ZNF469: variants seen among roughly 807,000 people sequenced by gnomAD.
ZNF469 encodes zinc finger protein 469.
In ZNF469, 1 loss-of-function variant was observed where a neutral mutation model predicts 1.0. That is an observed-to-expected ratio of 1.00 (90% CI 0.35 to 4.73). The LOEUF is 4.73. Ranked by LOEUF, ZNF469 falls within the 30% of genes most tolerant of loss-of-function variation. The pLI is 0.16. For missense variants in ZNF469, 6,100 were observed against 5,356.3 expected, an observed-to-expected ratio of 1.14 and a Z score of -4.33; for synonymous variants, 2,703 against 2,363.4, an observed-to-expected ratio of 1.14 and a Z score of -4.17.
chr16:88,139,153 C>G, the ZNF469 span, among the ~76,000 whole-genome samples: 1 of 148,946 alleles, frequency 6.7e-6, no homozygotes, highest in Non-Finnish European at 1.5e-5. Flanking sequence ...TGATGAGCGT[C>G]AGAGCAGAGA....
chr16:88,319,104 C>T, the ZNF469 span, among the ~76,000 whole-genome samples: 8 of 152,280 alleles, frequency 5.3e-5, no homozygotes, highest in South Asian at 2.1e-4. Flanking sequence ...CTCAGGCTTC[C>T]GATGCATGCC....
chr16:88,365,616 C>T, the ZNF469 span, among the ~76,000 whole-genome samples: 1 of 152,228 alleles, frequency 6.6e-6, no homozygotes, highest in African/African-American at 2.4e-5. Context: ...GAGCCAAGCA[C>T]TGCCTTTTCT....
the ZNF469 span, among the ~76,000 whole-genome samples, chr16:88,347,894 G>T: frequency 6.6e-6 from 1 of 152,250 alleles, no homozygotes; most frequent in Non-Finnish European, 1.5e-5. Context: ...CTGGAGTAGG[G>T]GTGCCCCATG....
the ZNF469 span, among the ~76,000 whole-genome samples, chr16:88,181,006 C>G: frequency 6.6e-6 from 1 of 151,686 alleles, no homozygotes; most frequent in South Asian, 2.1e-4. Context: ...CCCTGAATCA[C>G]AATATCATCC....
At chr16:88,353,582 G>C in the ZNF469 span, among the ~76,000 whole-genome samples, 2 of 152,210 alleles carry the variant, frequency 1.3e-5, no homozygotes, top group Non-Finnish European at 2.9e-5. Context: ...AGCCCATTGG[G>C]TGCCTTAGGC....
At chr16:88,122,456 C>T in the ZNF469 span, among the ~76,000 whole-genome samples, 4 of 150,324 alleles carry the variant, frequency 2.7e-5, no homozygotes, top group African/African-American at 4.9e-5. Context: ...GCTACGGCCA[C>T]GGCAGCCACT....
chr16:88,243,676 T>TG, the ZNF469 span, among the ~76,000 whole-genome samples: 15 of 151,512 alleles, frequency 9.9e-5, no homozygotes, highest in East Asian at 2.5e-3. Flanking sequence ...GGTAGATGGA[T>TG]GGGTAGATGG....
At chr16:88,219,022 C>T in the ZNF469 span, among the ~76,000 whole-genome samples, 1 of 147,802 alleles carries the variant, frequency 6.8e-6, no homozygotes, top group South Asian at 2.2e-4. Context: ...TTCACAATTG[C>T]TTCAAAGAGA....
At chr16:88,209,383 C>T in the ZNF469 span, among the ~76,000 whole-genome samples, 1 of 151,954 alleles carries the variant, frequency 6.6e-6, no homozygotes, top group African/African-American at 2.4e-5. Context: ...CTCAGCCTCC[C>T]AGGTTCATGC....
upstream of ZNF469, among the ~76,000 whole-genome samples, chr16:88,381,882 A>G (rs888401187): frequency 1.1e-4 from 16 of 152,188 alleles, no homozygotes; most frequent in African/African-American, 3.6e-4. Flanking sequence ...GGGCAGGCCC[A>G]CTCATTGGCT....
chr16:88,213,238 A>G, the ZNF469 span, among the ~76,000 whole-genome samples: 1,017 of 152,142 alleles, frequency 6.7e-3, 8 homozygotes, highest in African/African-American at 0.024. Context: ...AGCTGGGACT[A>G]CAGGCGCCCG....
the ZNF469 span, among the ~76,000 whole-genome samples, chr16:88,319,117 C>T: frequency 6.6e-6 from 1 of 152,172 alleles, no homozygotes; most frequent in Non-Finnish European, 1.5e-5. Flanking sequence ...TGCATGCCTT[C>T]CCATGACCGG....
the ZNF469 span, among the ~76,000 whole-genome samples, chr16:88,136,399 T>C: frequency 6.6e-6 from 1 of 152,220 alleles, no homozygotes; most frequent in African/African-American, 2.4e-5. Context: ...GTCCTGAGCT[T>C]TGAGGATGGC....
At chr16:88,319,936 T>C in the ZNF469 span, among the ~76,000 whole-genome samples, 1 of 152,184 alleles carries the variant, frequency 6.6e-6, no homozygotes, top group African/African-American at 2.4e-5. Context: ...CTGACCCTCA[T>C]GTGGGGTCAG....
rs1370290050 is a variant in ZNF469 at position 88,427,776 on chromosome 16, G to A, written c.306G>A (p.Leu102=). The part of the protein sequence containing the change: ...SPQTPPGRSP[L]QAPSRLAGRA... ...AGACCCCACCGGGGAGAAGCCCCTT[G>A]CAGGCTCCCTCAAGGCTGGCGGGCA... Residue 102 remains leucine, a synonymous_variant, in exon 3 of 3, where the codon TTG becomes TTA. Coordinates refer to ENST00000565624, the MANE Select transcript of ZNF469 (RefSeq NM_001367624.2). 6.5e-7 allele frequency: 1 copy of A among 1,546,562 alleles called. No individual in the cohort carries two copies.
At chr16:88,367,537 G>A in the ZNF469 span, among the ~76,000 whole-genome samples, 1 of 152,200 alleles carries the variant, frequency 6.6e-6, no homozygotes, top group Non-Finnish European at 1.5e-5. Context: ...AGCTTTGAGG[G>A]CTTTGGAAGG....
the ZNF469 span, among the ~76,000 whole-genome samples, chr16:88,134,697 G>T: frequency 1.3e-5 from 2 of 152,218 alleles, no homozygotes; most frequent in Admixed American, 6.5e-5. Flanking sequence ...TGACAGCAGG[G>T]TGTTGCCACG....
At chr16:88,282,209 T>C in the ZNF469 span, among the ~76,000 whole-genome samples, 1 of 152,008 alleles carries the variant, frequency 6.6e-6, no homozygotes, top group African/African-American at 2.4e-5. Context: ...GCTCAAGGCA[T>C]TTGGGAGACA....
the ZNF469 span, among the ~76,000 whole-genome samples, chr16:88,281,653 C>T: frequency 2.0e-5 from 3 of 148,294 alleles, no homozygotes; most frequent in Non-Finnish European, 3.0e-5. Context: ...GTGCTGATGT[C>T]GGTGCACAGG....
Sources: gnomAD v4.1 joint callset for allele counts (sites outside exome capture counted in the v4.1 genomes callset) on GRCh38, gnomAD v4.1.1 for gene constraint, MANE v1.5 for transcripts, NCBI Gene and HGNC (gene_info 2026-07-23, HGNC 2026-07-21) for gene names.